The following UBE3B variants were observed in gnomAD, a reference collection of about 807,000 sequenced individuals.
The protein encoded by UBE3B is ubiquitin-protein ligase E3B.
UBE3B carries 80 observed loss-of-function variants against 132.3 expected under a neutral mutation model. The observed-to-expected ratio is 0.60, with a 90% confidence interval of 0.50 to 0.73. The LOEUF (loss-of-function observed/expected upper bound fraction) is 0.73. Among genes scored for constraint, UBE3B ranks in the 30% least tolerant of loss-of-function variants. UBE3B has a pLI of 0.00. For missense variants in UBE3B, 1,196 were observed against 1,362.5 expected, an observed-to-expected ratio of 0.88 and a Z score of 1.92; for synonymous variants, 487 against 520.4, an observed-to-expected ratio of 0.94 and a Z score of 0.87.
chr12:109,518,878 G>A (rs1028597512), intron 19 of UBE3B, among the ~76,000 whole-genome samples: 2 of 152,136 alleles, frequency 1.3e-5, no homozygotes, highest in African/African-American at 4.8e-5. Flanking sequence ...CCCAGTTGTC[G>A]TAATCTGGTG....
At chr12:109,517,676 C>G (rs1881228139) in intron 19 of UBE3B, among the ~76,000 whole-genome samples, 1 of 152,188 alleles carries the variant, frequency 6.6e-6, no homozygotes, top group South Asian at 2.1e-4. Context: ...TCCCCATTCC[C>G]TGGAGAGGCT....
intron 18 of UBE3B, among the ~76,000 whole-genome samples, chr12:109,512,544 A>G (rs1880509742): frequency 6.6e-6 from 1 of 152,146 alleles, no homozygotes; most frequent in Non-Finnish European, 1.5e-5. Flanking sequence ...CTAGGAGTCT[A>G]GGTTGTGTCC....
rs544361610 is a variant in UBE3B, at chr12:109,511,346, C to G, written c.1956+43C>G. 5.1e-6 allele frequency: 8 copies of G among 1,574,362 alleles called. No individual in the cohort carries two copies. The East Asian group carries it at 1.3e-4, about 27-fold the overall frequency. Reference sequence around the variant, plus strand: ...CTGGGCCCCGATGTGTCTTTCTATTCCCCCACGTGGTTCCTGCCTTTCCAT... The same window carrying G: ...CTGGGCCCCGATGTGTCTTTCTATTGCCCCACGTGGTTCCTGCCTTTCCAT... On this transcript the variant is annotated intron_variant, in intron 18 of 27. Transcript: ENST00000342494.
At chr12:109,507,464 A>T (rs1684413056) in intron 14 of UBE3B, 100 bp from the exon 15 acceptor site, 1 of 1,295,228 alleles carries the variant, frequency 7.7e-7, no homozygotes, top group Non-Finnish European at 1.1e-6. Flanking sequence ...TTAAATGTTC[A>T]TGGATAGGTT....
the UBE3B span, among the ~76,000 whole-genome samples, chr12:109,543,524 C>T: frequency 6.6e-6 from 1 of 152,212 alleles, no homozygotes. Flanking sequence ...CTTTGTTTCT[C>T]TCCAGGAGCC....
At chr12:109,516,547 G>A (rs569658152) in intron 18 of UBE3B, among the ~76,000 whole-genome samples, 7 of 152,182 alleles carry the variant, frequency 4.6e-5, no homozygotes, top group Admixed American at 2.6e-4. Context: ...TTTCCGGAAC[G>A]TTTTTTGCTT....
intron 7 of UBE3B, among the ~76,000 whole-genome samples, chr12:109,489,663 C>T (rs991280794): frequency 6.6e-6 from 1 of 152,166 alleles, no homozygotes; most frequent in Non-Finnish European, 1.5e-5. Flanking sequence ...AGGCCAGAGA[C>T]GTCACTTCTG....
At chr12:109,509,490 A>C in intron 15 of UBE3B, 106 bp from the exon 16 acceptor site, 1 of 684,896 alleles carries the variant, frequency 1.5e-6, no homozygotes, top group Non-Finnish European at 2.5e-6. Flanking sequence ...TCTACAAGAT[A>C]AAGCTTATTT....
Position 109,521,450 on chromosome 12 carries a change from G to A in UBE3B, c.2263G>A (p.Gly755Arg). 4.4e-6 allele frequency: 7 copies of A among 1,581,398 alleles called. No homozygotes were observed. Among genetic ancestry groups the A allele is most frequent in the Non-Finnish European group, 5.2e-6 (6 of 1,158,156 alleles). The change falls in exon 21 of 28, where the codon GGG becomes AGG. Residue 755 changes from glycine to arginine, a missense_variant. By Grantham distance (125) the Gly-to-Arg change is moderately radical (BLOSUM62 -2). Coordinates refer to ENST00000342494, the MANE Select transcript of UBE3B (RefSeq NM_130466.4). The surrounding 1 kb of genome is among the most constrained non-coding windows in gnomAD (Gnocchi z 4.2). ...TCTTTTTGCCTTGCAGACAACCAGT[G>A]GGGATGAGAGGCTGTACCCCTCACC... ...PALNLFKTTS[G>R]DERLYPSPTS...
At position 109,503,149 on chromosome 12, in the gene UBE3B, C is replaced by T. The variant is rs1444149259; in HGVS notation, c.1409C>T (p.Ser470Leu). 24 of 1,614,084 alleles carry T rather than the reference C, an allele frequency of 1.5e-5. No homozygotes were observed. In the East Asian group the frequency reaches 3.8e-4, roughly 25 times the overall value. The change falls in exon 14 of 28, where the codon TCG becomes TTG. Residue 470 changes from serine (S) to leucine (L), a missense_variant. Transcript: ENST00000342494. ...AACATCTGTGTCCTCTACCAGACCT[C>T]GCTGACAACTCTCACACAGATTCGG... ...VCNICVLYQT[S>L]LTTLTQIRLQ...
In UBE3B at chr12:109,533,530, T is replaced by C; in HGVS notation, c.2987T>C (p.Ile996Thr). The change falls in exon 27 of 28, where the codon ATC becomes ACC. Residue 996 changes from isoleucine to threonine, a missense_variant. Coordinates refer to ENST00000342494, the MANE Select transcript of UBE3B (RefSeq NM_130466.4). ...GFAYLKPPFS[I>T]RCVEVSDDQD... ...GCCTACCTCAAGCCTCCATTCTCCA[T>C]CCGCTGCGTGGAGGTGTCGGACGAT... 1.9e-6 allele frequency: 3 copies of C among 1,613,718 alleles called. No homozygotes were observed. The highest frequency in any genetic ancestry group is 2.5e-6 in the Non-Finnish European group (3 of 1,179,964).
chr12:109,508,491 G>C, intron 15 of UBE3B: 6 of 984,158 alleles, frequency 6.1e-6, no homozygotes, highest in Middle Eastern at 5.2e-4. Context: ...TATGCATCTT[G>C]TGTGTTTGGT....
In UBE3B at chr12:109,535,928, G is replaced by A. The variant is rs1883390016; in HGVS notation, c.*1146G>A. Reference sequence around the variant, plus strand: ...AACTGAGGCAGAGGCCCTGTTTGTGGTCTGTGTTGACAGCCACCCACCCTC... The same window carrying A: ...AACTGAGGCAGAGGCCCTGTTTGTGATCTGTGTTGACAGCCACCCACCCTC... On this transcript the variant is annotated 3_prime_UTR_variant, in exon 28 of 28. Transcript: ENST00000342494. 2 of 152,200 alleles carry A rather than the reference G, an allele frequency of 1.3e-5. No individual in the cohort carries two copies. The highest frequency in any genetic ancestry group is 2.4e-5 in the African/African-American group (1 of 41,418). 9.4% of individuals were successfully genotyped at this position (152,200 alleles called of 1,614,324 possible).
At chr12:109,524,713 C>T (rs2241209) in intron 23 of UBE3B, among the ~76,000 whole-genome samples, 7,313 of 152,160 alleles carry the variant, frequency 0.048, 218 homozygotes, top group Non-Finnish European at 0.067. Flanking sequence ...TGAAGCTTCC[C>T]GCAGAGACCC....
chr12:109,533,022 A>G (rs1883104410), intron 26 of UBE3B, among the ~76,000 whole-genome samples: 1 of 152,202 alleles, frequency 6.6e-6, no homozygotes, highest in Non-Finnish European at 1.5e-5. Context: ...CACCACGTGC[A>G]GTGGGTGCCA....
chr12:109,508,771 T>C, intron 15 of UBE3B: 1 of 981,414 alleles, frequency 1.0e-6, no homozygotes, highest in Non-Finnish European at 1.2e-6. Flanking sequence ...TTAGGAAATG[T>C]TCAGATAGAG....
intron 16 of UBE3B, 121 bp from the exon 17 acceptor site, chr12:109,510,223 C>T (rs1592933548): frequency 1.3e-6 from 1 of 787,634 alleles, no homozygotes; most frequent in East Asian, 2.7e-5. Context: ...GTCGGTTCCA[C>T]ATATAATTCA....
chr12:109,498,148 G>T, intron 10 of UBE3B, 85 bp from the exon 11 acceptor site: 1 of 1,562,542 alleles, frequency 6.4e-7, no homozygotes, highest in Non-Finnish European at 8.7e-7. Flanking sequence ...CCATAACCAC[G>T]GGTGATCTGC....
chr12:109,509,614 A>C lies in UBE3B; in HGVS notation c.1641A>C (p.Glu547Asp). The change falls in exon 16 of 28, where the codon GAA (glutamate) becomes GAC (aspartate). Residue 547 changes from glutamate to aspartate, a missense_variant. By Grantham distance (45) the Glu-to-Asp change is conservative. Transcript: ENST00000342494. ...GATTTAGAATCCTTGATGACATTGA[A>C]GTTTATGAAGAACAGATTTCATTCA... Reference protein sequence around the residue: ...RHLITILDDIEVYEEQISFKL... With the variant: ...RHLITILDDIDVYEEQISFKL... 6.2e-7 allele frequency: 1 copy of C among 1,605,066 alleles called. No individual in the cohort carries two copies. The highest frequency in any genetic ancestry group is 8.5e-7 in the Non-Finnish European group (1 of 1,177,508).
Sources: gnomAD v4.1 joint callset for allele counts (sites outside exome capture counted in the v4.1 genomes callset) on GRCh38, gnomAD v4.1.1 for gene constraint, Gnocchi (gnomAD v3.1) non-coding constraint, MANE v1.5 for transcripts, NCBI Gene and HGNC (gene_info 2026-07-23, HGNC 2026-07-21) for gene names.